Variants in SSBP3 observed in about 807,000 individuals in gnomAD.
SSBP3 encodes the protein single-stranded DNA-binding protein 3.
SSBP3 carries 5 observed loss-of-function variants against 69.6 expected under a neutral mutation model. That is an observed-to-expected ratio of 0.07 (90% CI 0.04 to 0.15). The LOEUF (loss-of-function observed/expected upper bound fraction) is 0.15, where lower values mean the gene tolerates loss of function less well. Among genes scored for constraint, SSBP3 ranks in the 10% least tolerant of loss-of-function variants. The probability of loss-of-function intolerance (pLI) is 1.00; values close to 1 mark genes in which losing one functional copy is unlikely to be tolerated. For synonymous variants in SSBP3, 196 were observed against 193.4 expected (o/e 1.01, Z -0.11); for missense variants, 312 against 534.0 (o/e 0.58, Z 4.10).
intron 3 of SSBP3, among the ~76,000 whole-genome samples, chr1:54,404,172 A>G (rs1229334859): frequency 6.6e-6 from 1 of 151,994 alleles, no homozygotes; most frequent in Non-Finnish European, 1.5e-5. Context: ...GCTCCCGAGG[A>G]GAAAAAGGAA....
chr1:54,367,352 G>GGTCCCT (rs1254337803), intron 4 of SSBP3, among the ~76,000 whole-genome samples: 1 of 152,154 alleles, frequency 6.6e-6, no homozygotes, highest in East Asian at 1.9e-4. Context: ...TTGCGAACAA[G>GGTCCCT]GTCCCTGATG....
intron 9 of SSBP3, among the ~76,000 whole-genome samples, chr1:54,246,545 C>T (rs576091900): frequency 1.3e-5 from 2 of 152,302 alleles, no homozygotes; most frequent in East Asian, 1.9e-4. Context: ...CTCCATAGAG[C>T]CCTCTTGACA....
chr1:54,319,118 C>G lies in SSBP3; in HGVS notation c.277-37591G>C, dbSNP rs905051827. Among the ~76,000 whole-genome samples, 22 of 152,300 alleles carry G rather than the reference C, an allele frequency of 1.4e-4. No homozygotes were observed. In the East Asian group the frequency reaches 3.7e-3, roughly 25 times the overall value. ...CCAACCAGCCCTGAGCACTGGGGAC[C>G]TGCAGGTGCTTCTACATGTGTTCTT... On this transcript the variant is annotated intron_variant, in intron 4 of 17. Transcript: ENST00000610401.
intron 9 of SSBP3, among the ~76,000 whole-genome samples, chr1:54,250,941 G>A (rs1359896371): frequency 6.6e-6 from 1 of 152,210 alleles, no homozygotes; most frequent in Non-Finnish European, 1.5e-5. Flanking sequence ...GTGACCGTAA[G>A]AGGTATGTGA....
chr1:54,269,321 G>A (rs1224846765), intron 5 of SSBP3, among the ~76,000 whole-genome samples: 2 of 152,020 alleles, frequency 1.3e-5, no homozygotes, highest in Non-Finnish European at 2.9e-5. Flanking sequence ...CATTTCTTTT[G>A]CCCCCAAAGC....
chr1:54,380,752 G>T (rs1267839836), intron 4 of SSBP3, among the ~76,000 whole-genome samples: 1 of 152,144 alleles, frequency 6.6e-6, no homozygotes, highest in Non-Finnish European at 1.5e-5. Flanking sequence ...CAACCATGGG[G>T]TTGGGGGTGT....
intron 4 of SSBP3, among the ~76,000 whole-genome samples, chr1:54,308,918 A>AT (rs1645949482): frequency 6.6e-6 from 1 of 152,094 alleles, no homozygotes; most frequent in Admixed American, 6.6e-5. Flanking sequence ...AAAAAAAAAA[A>AT]TACCTAAGAA....
At chr1:54,317,010 C>G (rs1260827594) in intron 4 of SSBP3, among the ~76,000 whole-genome samples, 1 of 152,116 alleles carries the variant, frequency 6.6e-6, no homozygotes, top group Non-Finnish European at 1.5e-5. Flanking sequence ...AACGACCCAC[C>G]TTTCACTACT....
At chr1:54,242,357 G>A (rs1644655156) in intron 10 of SSBP3, 145 bp from the exon 11 acceptor site, 5 of 765,856 alleles carry the variant, frequency 6.5e-6, no homozygotes, top group South Asian at 5.6e-5. Flanking sequence ...TCTGGCTCAG[G>A]GCAGTAATGG....
At chr1:54,398,275 C>A (rs1649037692) in intron 4 of SSBP3, among the ~76,000 whole-genome samples, 1 of 152,194 alleles carries the variant, frequency 6.6e-6, no homozygotes, top group Non-Finnish European at 1.5e-5. Flanking sequence ...CACATGAAAA[C>A]ATGTTATAAA....
intron 4 of SSBP3, among the ~76,000 whole-genome samples, chr1:54,340,753 G>A (rs1202101293): frequency 6.6e-6 from 1 of 152,170 alleles, no homozygotes; most frequent in African/African-American, 2.4e-5. Context: ...ACAAGGTTGG[G>A]GAGAAAAAAT....
Position 54,376,206 on chromosome 1 carries a change from G to A in SSBP3, c.276+25655C>T, listed in dbSNP as rs183997236. On this transcript the variant is annotated intron_variant, in intron 4 of 17. Transcript: ENST00000610401. Reference sequence around the variant, plus strand: ...TGCATGCGTGGGTGTGTGTGTGTGTGTGTTTGTCTCACACACCTCTAAGAG... The same window carrying A: ...TGCATGCGTGGGTGTGTGTGTGTGTATGTTTGTCTCACACACCTCTAAGAG... Among the ~76,000 whole-genome samples the A allele has an allele frequency of 2.6e-5, 4 of 151,962 alleles. No homozygotes were observed. The East Asian group carries it at 7.8e-4, about 29-fold the overall frequency.
At chr1:54,238,233 C>T in intron 14 of SSBP3, 1 of 471,088 alleles carries the variant, frequency 2.1e-6, no homozygotes, top group Non-Finnish European at 4.4e-6. Context: ...ATCCGGGTGT[C>T]ACCTCAGGAA....
chr1:54,257,932 T>TA, intron 6 of SSBP3, 137 bp downstream of exon 6: 1 of 802,554 alleles, frequency 1.2e-6, no homozygotes, highest in African/African-American at 1.8e-5. Context: ...AAGAAATTTC[T>TA]AAAAAAATTT....
chr1:54,320,812 G>A (rs1646198467), intron 4 of SSBP3, among the ~76,000 whole-genome samples: 2 of 152,124 alleles, frequency 1.3e-5, no homozygotes, highest in African/African-American at 4.8e-5. Context: ...GAAGCTTCTG[G>A]GGCTTTCTCG....
At chr1:54,304,768 C>T (rs7536329) in intron 4 of SSBP3, among the ~76,000 whole-genome samples, 24,070 of 152,190 alleles carry the variant, frequency 0.16, 2,226 homozygotes, top group South Asian at 0.27. Context: ...TGTCAGAGAA[C>T]AGACAGGTGC....
At chr1:54,355,834 CCG>C (rs1491299485) in intron 4 of SSBP3, among the ~76,000 whole-genome samples, 2 of 152,192 alleles carry the variant, frequency 1.3e-5, no homozygotes, top group African/African-American at 2.4e-5. Context: ...TCCACACCTC[CCG>C]CTTTGTGCGA....
intron 4 of SSBP3, among the ~76,000 whole-genome samples, chr1:54,309,914 T>C (rs567947494): frequency 1.3e-5 from 2 of 152,208 alleles, no homozygotes; most frequent in South Asian, 4.1e-4. Context: ...ATTAAAATGC[T>C]CTTGTTGCTC....
At chr1:54,303,049 C>T (rs187229993) in intron 4 of SSBP3, among the ~76,000 whole-genome samples, 7 of 152,196 alleles carry the variant, frequency 4.6e-5, no homozygotes, top group East Asian at 3.9e-4. Context: ...GCCAGGCTAG[C>T]GGTATTATAT....
Sources: allele counts gnomAD v4.1 joint callset (sites outside exome capture counted in the v4.1 genomes callset), GRCh38; gene constraint gnomAD v4.1.1; transcripts MANE v1.5; gene names NCBI Gene and HGNC (gene_info 2026-07-23, HGNC 2026-07-21).